FGD4: variants seen among roughly 807,000 people sequenced by gnomAD.
FGD4 encodes the protein FYVE, RhoGEF and PH domain containing 4, also known as FYVE, RhoGEF and PH domain-containing protein 4.
FGD4 carries 42 observed loss-of-function variants against 102.0 expected under a neutral mutation model. That is an observed-to-expected ratio of 0.41 (90% CI 0.32 to 0.53). The LOEUF (loss-of-function observed/expected upper bound fraction) is 0.53. FGD4 is among the 20% of genes least tolerant of loss of function. The probability of loss-of-function intolerance (pLI) is 0.21; values close to 1 mark genes in which losing one functional copy is unlikely to be tolerated. For synonymous variants in FGD4, 380 were observed against 375.7 expected (o/e 1.01, Z -0.13); for missense variants, 902 against 1,078.2 (o/e 0.84, Z 2.29).
At chr12:32,582,959 T>C (rs1160499621) in intron 4 of FGD4, 1 of 153,862 alleles carries the variant, frequency 6.5e-6, no homozygotes, top group Non-Finnish European at 1.4e-5. Context: ...ATTATAACTC[T>C]AGGCTTTTAA....
intron 12 of FGD4, 174 bp downstream of exon 12, chr12:32,624,626 A>G (rs1283386874): frequency 5.8e-6 from 4 of 693,176 alleles, no homozygotes; most frequent in Non-Finnish European, 1.0e-5. Flanking sequence ...GTGCACCACC[A>G]TGTCTGGTTA....
rs191889841 is a variant in FGD4, at chr12:32,443,907, T to A, written c.166+43948T>A. Among the ~76,000 whole-genome samples, 390 of 152,244 alleles carry A rather than the reference T, an allele frequency of 2.6e-3. 2 individuals carry two copies. The highest frequency in any genetic ancestry group is 8.9e-3 in the African/African-American group (371 of 41,568). ...CCTAAAACCAAACTCAAGCAATAAG[T>A]TGTGATTTTTAAAAAATCGACAGAT... On this transcript the variant is annotated intron_variant, in intron 1 of 16. Coordinates refer to ENST00000534526, the MANE Select transcript of FGD4 (RefSeq NM_001370298.3).
At chr12:32,401,726 CT>C (rs34078307) in intron 1 of FGD4, among the ~76,000 whole-genome samples, 27,307 of 113,228 alleles carry the variant, frequency 0.24, 2,312 homozygotes, top group East Asian at 0.32. Context: ...CTTTTCCATT[CT>C]TTTTTTTTTT....
intron 7 of FGD4, among the ~76,000 whole-genome samples, chr12:32,606,615 A>G (rs1251073252): frequency 2.0e-5 from 3 of 152,110 alleles, no homozygotes; most frequent in Non-Finnish European, 4.4e-5. Context: ...CAGAGGTTGC[A>G]TTAAATGTTC....
intron 1 of FGD4, among the ~76,000 whole-genome samples, chr12:32,418,235 C>A (rs1269063732): frequency 6.6e-6 from 1 of 152,062 alleles, no homozygotes; most frequent in Admixed American, 6.5e-5. Flanking sequence ...GGATTACAGG[C>A]GTGAGCCACC....
intron 2 of FGD4, 127 bp downstream of exon 2, chr12:32,564,416 AGAG>A: frequency 8.4e-7 from 1 of 1,191,938 alleles, no homozygotes; most frequent in Non-Finnish European, 1.1e-6. Context: ...ATTATTTTTT[AGAG>A]AAGAGTCCAT....
At chr12:32,550,934 G>A (rs1030195691) in intron 1 of FGD4, among the ~76,000 whole-genome samples, 2 of 152,072 alleles carry the variant, frequency 1.3e-5, no homozygotes, top group South Asian at 2.1e-4. Flanking sequence ...GCTGCGTATC[G>A]GTTGTTAGGC....
chr12:32,415,632 A>G (rs982352264), intron 1 of FGD4, among the ~76,000 whole-genome samples: 14 of 152,052 alleles, frequency 9.2e-5, no homozygotes, highest in Non-Finnish European at 1.9e-4. Context: ...CGTATTAGCC[A>G]GGATTGTCTT....
chr12:32,472,478 G>T (rs1026518979), intron 1 of FGD4, among the ~76,000 whole-genome samples: 3 of 152,232 alleles, frequency 2.0e-5, no homozygotes, highest in Admixed American at 6.5e-5. Context: ...AGCAGTGCTG[G>T]CCCACCGGTG....
chr12:32,478,626 G>T (rs113898101), intron 1 of FGD4, among the ~76,000 whole-genome samples: 1 of 152,098 alleles, frequency 6.6e-6, no homozygotes, highest in Non-Finnish European at 1.5e-5. Flanking sequence ...AAAATATTTG[G>T]GATAGCACAA....
intron 1 of FGD4, among the ~76,000 whole-genome samples, chr12:32,407,726 T>C (rs541066227): frequency 5.9e-5 from 9 of 152,272 alleles, no homozygotes; most frequent in African/African-American, 1.9e-4. Flanking sequence ...CCTCTTGAAG[T>C]AGACCTGAAT....
intron 1 of FGD4, among the ~76,000 whole-genome samples, chr12:32,542,881 A>C (rs969298462): frequency 6.6e-6 from 1 of 152,146 alleles, no homozygotes; most frequent in Non-Finnish European, 1.5e-5. Context: ...TGTTTTTGGT[A>C]GTGATATTAT....
chr12:32,547,518 A>G (rs547191421), intron 1 of FGD4, among the ~76,000 whole-genome samples: 156 of 152,378 alleles, frequency 1.0e-3, no homozygotes, highest in Admixed American at 3.9e-3. Context: ...AATGCCTGCT[A>G]TACTTTACAT....
chr12:32,515,554 C>T (rs957003162), intron 1 of FGD4, among the ~76,000 whole-genome samples: 19 of 152,184 alleles, frequency 1.2e-4, no homozygotes, highest in African/African-American at 4.3e-4. Context: ...AATAAATAAT[C>T]TTTTTAAATG....
intron 1 of FGD4, among the ~76,000 whole-genome samples, chr12:32,463,527 AT>A (rs1196057971): frequency 6.6e-6 from 1 of 152,248 alleles, no homozygotes; most frequent in African/African-American, 2.4e-5. Flanking sequence ...AAATGCCTTC[AT>A]TTGGAGAAAC....
chr12:32,480,843 G>T (rs117684642), intron 1 of FGD4, among the ~76,000 whole-genome samples: 6,183 of 140,844 alleles, frequency 0.044, 197 homozygotes, highest in Non-Finnish European at 0.068. Context: ...TTGCTCTATT[G>T]CCCAGGCTGG....
At chr12:32,437,108 C>CAAAA (rs5797478) in intron 1 of FGD4, among the ~76,000 whole-genome samples, 5 of 108,080 alleles carry the variant, frequency 4.6e-5, no homozygotes, top group African/African-American at 1.3e-4. Flanking sequence ...GACTCCATGT[C>CAAAA]AAAAAAAAAA....
At chr12:32,618,491 T>TG (rs200408035) in intron 10 of FGD4, among the ~76,000 whole-genome samples, 22,564 of 152,024 alleles carry the variant, frequency 0.15, 1,910 homozygotes, top group Middle Eastern at 0.24. Flanking sequence ...TTTGAACTAA[T>TG]AAATAGGCTA....
intron 1 of FGD4, among the ~76,000 whole-genome samples, chr12:32,463,382 C>G (rs1220787954): frequency 6.6e-6 from 1 of 152,150 alleles, no homozygotes; most frequent in Non-Finnish European, 1.5e-5. Context: ...TCAAGAGTCA[C>G]CTTTGTTGTG....
Sources: allele counts gnomAD v4.1 joint callset (sites outside exome capture counted in the v4.1 genomes callset), GRCh38; gene constraint gnomAD v4.1.1; transcripts MANE v1.5; gene names NCBI Gene and HGNC (gene_info 2026-07-23, HGNC 2026-07-21).